FER: variants seen among roughly 807,000 people sequenced by gnomAD.
The protein encoded by FER is FER tyrosine kinase.
FER carries 63 observed loss-of-function variants against 111.0 expected under a neutral mutation model. The ratio of observed to expected loss-of-function variants is 0.57; its 90% CI spans 0.46 to 0.70. FER has a LOEUF of 0.70. FER is among the 30% of genes least tolerant of loss of function. FER has a pLI of 0.00. For synonymous variants in FER, 327 were observed against 313.9 expected (o/e 1.04, Z -0.44); for missense variants, 914 against 954.0 (o/e 0.96, Z 0.55).
intron 5 of FER, among the ~76,000 whole-genome samples, chr5:108,863,341 G>A (rs1427359877): frequency 6.6e-6 from 1 of 152,040 alleles, no homozygotes; most frequent in African/African-American, 2.4e-5. Flanking sequence ...GGCTGGCCTC[G>A]AACTCCTGAC....
chr5:109,007,272 T>A (rs1378415939), intron 13 of FER, among the ~76,000 whole-genome samples: 1 of 152,186 alleles, frequency 6.6e-6, no homozygotes, highest in Admixed American at 6.5e-5. Context: ...ACAGTGTCCT[T>A]TCATTTTGAA....
intron 16 of FER, among the ~76,000 whole-genome samples, chr5:109,058,729 T>C (rs1354000870): frequency 1.7e-4 from 19 of 111,038 alleles, no homozygotes; most frequent in Admixed American, 2.5e-4. Context: ...TCTTTCTTTT[T>C]TTTTTTTTTT....
chr5:109,119,876 T>C (rs1019029248), intron 17 of FER, among the ~76,000 whole-genome samples: 1 of 152,148 alleles, frequency 6.6e-6, no homozygotes, highest in Non-Finnish European at 1.5e-5. Context: ...TGGTCAGTGA[T>C]GTTGAGCACC....
chr5:108,910,789 G>T (rs574070007), intron 10 of FER, among the ~76,000 whole-genome samples: 2 of 151,946 alleles, frequency 1.3e-5, no homozygotes, highest in Admixed American at 6.6e-5. Flanking sequence ...ATGGCCTCCA[G>T]CTCCATCTAG....
intron 3 of FER, among the ~76,000 whole-genome samples, chr5:108,823,717 C>T (rs1759145527): frequency 6.6e-6 from 1 of 151,934 alleles, no homozygotes; most frequent in Non-Finnish European, 1.5e-5. Context: ...ATATTTTTTC[C>T]CATTCTTTAG....
intron 10 of FER, among the ~76,000 whole-genome samples, chr5:108,904,701 G>A (rs1750505957): frequency 6.6e-6 from 1 of 152,082 alleles, no homozygotes; most frequent in South Asian, 2.1e-4. Flanking sequence ...TAGTTTATGT[G>A]TAAGATATAT....
chr5:108,788,088 G>C (rs565794275), intron 2 of FER, among the ~76,000 whole-genome samples: 20 of 152,338 alleles, frequency 1.3e-4, no homozygotes, highest in East Asian at 7.7e-4. Context: ...GGCTACCTGA[G>C]CCAGGACTGT....
intron 5 of FER, among the ~76,000 whole-genome samples, chr5:108,851,564 AC>A (rs1172324478): frequency 2.0e-5 from 3 of 152,216 alleles, no homozygotes; most frequent in East Asian, 3.8e-4. Flanking sequence ...AGTAAAAAAA[AC>A]AAAAACAAAA....
chr5:109,121,299 A>G (rs1750936482), intron 17 of FER, among the ~76,000 whole-genome samples: 1 of 152,256 alleles, frequency 6.6e-6, no homozygotes, highest in East Asian at 1.9e-4. Context: ...GGTTTTTATC[A>G]TGAAAACATG....
At chr5:108,922,512 C>A (rs534905191) in intron 10 of FER, among the ~76,000 whole-genome samples, 2 of 152,212 alleles carry the variant, frequency 1.3e-5, no homozygotes, top group South Asian at 4.1e-4. Context: ...TGACTGTAAG[C>A]ACTGATTTCA....
chr5:109,065,072 C>G (rs1017848352), intron 16 of FER, among the ~76,000 whole-genome samples: 2 of 152,034 alleles, frequency 1.3e-5, no homozygotes, highest in Non-Finnish European at 2.9e-5. Flanking sequence ...AAATAAAAAA[C>G]AAATTTTACG....
At chr5:108,942,671 C>G (rs1400038699) in intron 10 of FER, among the ~76,000 whole-genome samples, 1 of 152,048 alleles carries the variant, frequency 6.6e-6, no homozygotes, top group East Asian at 1.9e-4. Context: ...TTTTCAAAAC[C>G]TTAGGTTACT....
intron 10 of FER, among the ~76,000 whole-genome samples, chr5:108,941,632 A>G (rs1229978394): frequency 6.6e-6 from 1 of 152,180 alleles, no homozygotes; most frequent in African/African-American, 2.4e-5. Flanking sequence ...ATACCTTGAT[A>G]ATCTAATTTA....
intron 17 of FER, among the ~76,000 whole-genome samples, chr5:109,179,806 G>A (rs1434456843): frequency 1.3e-5 from 2 of 152,158 alleles, no homozygotes; most frequent in African/African-American, 4.8e-5. Context: ...AGGGATTTGA[G>A]CATCTTTGGA....
chr5:109,109,573 T>C (rs1305988754), intron 17 of FER, among the ~76,000 whole-genome samples: 1 of 152,110 alleles, frequency 6.6e-6, no homozygotes, highest in Non-Finnish European at 1.5e-5. Context: ...AGTACACTGA[T>C]TCAGGTTAGA....
At chr5:109,072,078 C>G (rs1002973853) in intron 16 of FER, among the ~76,000 whole-genome samples, 1 of 150,634 alleles carries the variant, frequency 6.6e-6, no homozygotes, top group African/African-American at 2.4e-5. Context: ...TAAATAAGAC[C>G]AAGATTGTAT....
Position 108,947,780 on chromosome 5 carries a change from T to C in FER, c.1329+1558T>C, listed in dbSNP as rs774727636. ...AGATTATGCTGATAATTCATCTTTG[T>C]TTGTTTTCTTCTTAGAGTTTTATTC... is the stretch of plus-strand genomic sequence containing the variant. On this transcript the variant is annotated intron_variant, in intron 11 of 19. Coordinates refer to ENST00000281092, the MANE Select transcript of FER (RefSeq NM_005246.4). Among the ~76,000 whole-genome samples, 6 of 149,054 alleles carry C rather than the reference T, an allele frequency of 4.0e-5. No individual in the cohort carries two copies. The South Asian group carries it at 6.2e-4, about 15-fold the overall frequency.
intron 17 of FER, among the ~76,000 whole-genome samples, chr5:109,161,150 G>A (rs1402256918): frequency 6.6e-6 from 1 of 152,156 alleles, no homozygotes; most frequent in Non-Finnish European, 1.5e-5. Context: ...TCCTCTTACA[G>A]CTTCGTTGTT....
At chr5:109,015,619 C>T (rs905144024) in intron 13 of FER, among the ~76,000 whole-genome samples, 5 of 151,902 alleles carry the variant, frequency 3.3e-5, no homozygotes, top group African/African-American at 7.3e-5. Context: ...TAAGCATGAA[C>T]AGAACTGTGG....
Sources: gnomAD v4.1 joint callset for allele counts (sites outside exome capture counted in the v4.1 genomes callset) on GRCh38, gnomAD v4.1.1 for gene constraint, MANE v1.5 for transcripts, NCBI Gene and HGNC (gene_info 2026-07-23, HGNC 2026-07-21) for gene names.